Variants in HECW1 observed in about 807,000 individuals in gnomAD.
HECW1 encodes E3 ubiquitin-protein ligase HECW1.
A neutral mutation model predicts 182.3 loss-of-function variants in HECW1; 61 were observed. The observed-to-expected ratio is 0.33, with a 90% CI of 0.27 to 0.41. HECW1 has a LOEUF of 0.41. Among genes scored for constraint, HECW1 ranks in the 10% least tolerant of loss-of-function variants. The pLI is 1.00. For synonymous variants in HECW1, 859 were observed against 832.6 expected, an observed-to-expected ratio of 1.03 and a Z score of -0.55; for missense variants, 1,739 against 2,108.9, an observed-to-expected ratio of 0.82 and a Z score of 3.44.
At chr7:43,181,779 TTTTG>T (rs956983475) in intron 2 of HECW1, among the ~76,000 whole-genome samples, 6 of 150,596 alleles carry the variant, frequency 4.0e-5, no homozygotes, top group African/African-American at 1.0e-4. Flanking sequence ...TCATATTGTT[TTTTG>T]TTTGTTTGTT....
intron 24 of HECW1, among the ~76,000 whole-genome samples, chr7:43,523,353 T>C (rs1006945066): frequency 6.6e-6 from 1 of 152,204 alleles, no homozygotes; most frequent in Non-Finnish European, 1.5e-5. Flanking sequence ...AAAACTGCTC[T>C]TTCTAGGAGC....
intron 12 of HECW1, among the ~76,000 whole-genome samples, chr7:43,455,537 A>T (rs930285917): frequency 5.9e-5 from 9 of 152,228 alleles, no homozygotes; most frequent in African/African-American, 2.2e-4. Context: ...ATTCTCCAGC[A>T]TCACAGTGTC....
chr7:43,528,463 A>G (rs2080849951), intron 24 of HECW1, among the ~76,000 whole-genome samples: 1 of 152,256 alleles, frequency 6.6e-6, no homozygotes, highest in South Asian at 2.1e-4. Flanking sequence ...CAGTATTAAC[A>G]CAAGCTAACC....
intron 3 of HECW1, among the ~76,000 whole-genome samples, chr7:43,295,981 T>C (rs1806000895): frequency 6.6e-6 from 1 of 152,258 alleles, no homozygotes; most frequent in South Asian, 2.1e-4. Flanking sequence ...TCATGCCTGC[T>C]TAATTAGCAT....
At chr7:43,250,038 T>C in intron 3 of HECW1, among the ~76,000 whole-genome samples, 1 of 152,110 alleles carries the variant, frequency 6.6e-6, no homozygotes, top group East Asian at 1.9e-4. Context: ...AATAACTCAG[T>C]ATTTTCATGA....
rs190197894 is a variant in HECW1, at chr7:43,136,106, A to G, written c.-32+21715A>G. On this transcript the variant is annotated intron_variant, in intron 2 of 29. Coordinates refer to ENST00000395891, the MANE Select transcript of HECW1 (RefSeq NM_015052.5). Reference sequence around the variant, plus strand: ...CTCAGTTTATTCACCTTTGGACAGTAAAACAATCCAGGCTGATGTTTACTA... The same window carrying G: ...CTCAGTTTATTCACCTTTGGACAGTGAAACAATCCAGGCTGATGTTTACTA... Among the ~76,000 whole-genome samples, 15 of 152,094 alleles carry G rather than the reference A, an allele frequency of 9.9e-5. No homozygotes were observed. In the East Asian group the frequency reaches 1.6e-3, roughly 16 times the overall value.
chr7:43,400,383 A>G (rs774553471), intron 7 of HECW1, among the ~76,000 whole-genome samples: 9 of 152,240 alleles, frequency 5.9e-5, no homozygotes, highest in Non-Finnish European at 2.9e-5. Context: ...AGCAACAACC[A>G]GTTGGACAAC....
chr7:43,389,835 G>A (rs550222339), intron 6 of HECW1, among the ~76,000 whole-genome samples: 3 of 152,134 alleles, frequency 2.0e-5, no homozygotes, highest in East Asian at 1.9e-4. Flanking sequence ...GTCTCACAAT[G>A]TTGCTCAGGC....
At chr7:43,234,123 G>A (rs2214609) in intron 2 of HECW1, among the ~76,000 whole-genome samples, 141,888 of 152,284 alleles carry the variant, frequency 0.93, 66,243 homozygotes, top group East Asian at 1. Context: ...ATGCAATACC[G>A]CCCTGCCAGT....
chr7:43,281,363 G>A (rs1443648814), intron 3 of HECW1, among the ~76,000 whole-genome samples: 1 of 152,164 alleles, frequency 6.6e-6, no homozygotes, highest in African/African-American at 2.4e-5. Flanking sequence ...GCTGACATTG[G>A]GTGGACACCT....
intron 2 of HECW1, 139 bp downstream of exon 2, chr7:43,114,530 G>T (rs1257849990): frequency 2.7e-6 from 2 of 740,784 alleles, no homozygotes; most frequent in African/African-American, 3.7e-5. Flanking sequence ...TTCCCTGTTG[G>T]TAGAATTCCC....
chr7:43,290,641 G>T (rs1269677998), intron 3 of HECW1, among the ~76,000 whole-genome samples: 1 of 152,212 alleles, frequency 6.6e-6, no homozygotes, highest in Non-Finnish European at 1.5e-5. Flanking sequence ...GTTGGGCAAT[G>T]TCTGAATTTT....
intron 2 of HECW1, among the ~76,000 whole-genome samples, chr7:43,151,274 G>A (rs1789298120): frequency 6.6e-6 from 1 of 152,114 alleles, no homozygotes; most frequent in South Asian, 2.1e-4. Flanking sequence ...GATTATTTTT[G>A]GGGTTTCCTT....
rs1554440504 is a variant in HECW1 at position 43,488,434 on chromosome 7, G to GAGAAAGAAAAAGAAAGAA, written c.3235-3632_3235-3631insAAGAAAGAAAGAAAGAAA. ...AAAGAGAGAGAGAGAAAGAAAGAAAGAGAAAGAAAGAAAGAAAGAAAGAAA... is the reference window on the plus strand; with the variant it reads ...AAAGAGAGAGAGAGAAAGAAAGAAAGAGAAAGAAAAAGAAAGAAAGAAAGAAAGAAAGAAAGAAAGAAA... On this transcript the variant is annotated intron_variant, in intron 17 of 29. Transcript: ENST00000395891. Among the ~76,000 whole-genome samples, 3 of 93,138 alleles carry GAGAAAGAAAAAGAAAGAA rather than the reference G, an allele frequency of 3.2e-5. No individual in the cohort carries two copies. In the East Asian group the frequency reaches 8.9e-4, roughly 28 times the overall value. The allele number at this position is 93,138 out of a possible 152,430, so 61.1% of individuals were successfully genotyped here.
chr7:43,409,779 G>A (rs963412724), intron 8 of HECW1, among the ~76,000 whole-genome samples: 29 of 152,160 alleles, frequency 1.9e-4, no homozygotes, highest in Admixed American at 7.2e-4. Context: ...TTGAACCAAG[G>A]TTTGTGTTGC....
At position 43,563,596 on chromosome 7, in the gene HECW1, C is replaced by T. The variant is rs558508961; in HGVS notation, c.*1670C>T. The T allele has an allele frequency of 1.4e-4, 27 of 186,264 alleles. No homozygotes were observed. Among genetic ancestry groups the T allele is most frequent in the Admixed American group, 5.6e-4 (9 of 16,094 alleles). 11.5% of individuals were successfully genotyped at this position (186,264 alleles called of 1,614,324 possible). On this transcript the variant is annotated 3_prime_UTR_variant, in exon 30 of 30. Transcript: ENST00000395891. ...CACTCTAAAGCATTCCGGCCAGGAG[C>T]GGTGGCTCATGCCTGTAATCCCAGC...
intron 21 of HECW1, among the ~76,000 whole-genome samples, chr7:43,505,664 C>T (rs961997458): frequency 1.3e-5 from 2 of 152,170 alleles, no homozygotes; most frequent in Admixed American, 1.3e-4. Flanking sequence ...TGATCTTCCA[C>T]CTGGAATGCT....
In HECW1 at chr7:43,430,542, G is replaced by A. The variant is rs112184698; in HGVS notation, c.802-7461G>A. 8.1e-3 allele frequency among the ~76,000 whole-genome samples: 1,236 copies of A among 152,160 alleles called. 19 individuals are homozygous for A. The highest frequency in any genetic ancestry group is 0.028 in the African/African-American group (1,158 of 41,508). On this transcript the variant is annotated intron_variant, in intron 8 of 29. Transcript: ENST00000395891. Reference sequence around the variant, plus strand: ...AGTATTTTGACTTTTCCCATGATTGGCTGTTATACATTATCGTTTTTCTTT... The same window carrying A: ...AGTATTTTGACTTTTCCCATGATTGACTGTTATACATTATCGTTTTTCTTT...
intron 7 of HECW1, among the ~76,000 whole-genome samples, chr7:43,399,809 A>G (rs534661857): frequency 2.6e-5 from 4 of 152,368 alleles, no homozygotes; most frequent in South Asian, 2.1e-4. Context: ...CTAGGAATAT[A>G]AAGTTAGTAG....
Sources: allele counts gnomAD v4.1 joint callset (sites outside exome capture counted in the v4.1 genomes callset), GRCh38; gene constraint gnomAD v4.1.1; transcripts MANE v1.5; gene names NCBI Gene and HGNC (gene_info 2026-07-23, HGNC 2026-07-21).